MGST1: variants seen among roughly 807,000 people sequenced by gnomAD.
The protein encoded by MGST1 is glutathione S-transferase 12.
MGST1 carries 5 observed loss-of-function variants against 8.9 expected under a neutral mutation model. That is an observed-to-expected ratio of 0.56 (90% CI 0.29 to 1.19). The LOEUF (loss-of-function observed/expected upper bound fraction) is 1.19. Among genes scored for constraint, MGST1 ranks in the 50% most tolerant of loss-of-function variants. The probability of loss-of-function intolerance (pLI) is 0.08; values close to 1 mark genes in which losing one functional copy is unlikely to be tolerated. For synonymous variants in MGST1, 54 were observed against 67.8 expected, an observed-to-expected ratio of 0.80 and a Z score of 1.00; for missense variants, 182 against 187.4, an observed-to-expected ratio of 0.97 and a Z score of 0.17.
chr12:16,392,725 TC>T (rs1227333084), intron 1 of MGST1, among the ~76,000 whole-genome samples: 1 of 152,182 alleles, frequency 6.6e-6, no homozygotes, highest in Non-Finnish European at 1.5e-5. Flanking sequence ...TGTCTCTATA[TC>T]TCTGTATGTC....
At position 16,580,438 on chromosome 12, in the gene MGST1, C is replaced by G. The variant is rs1204593555; in HGVS notation, n.483-9090C>G. ...TAATAAGTGAATGTCATGAAAATGA[C>G]AATGTTCAAGATTAAGAGAAACTTC... On this transcript the variant is annotated intron_variant and non_coding_transcript_variant, in intron 4 of 4. Transcript: ENST00000538857. Among the ~76,000 whole-genome samples, 4 of 152,250 alleles carry G rather than the reference C, an allele frequency of 2.6e-5. No individual in the cohort carries two copies. The East Asian group carries it at 7.7e-4, about 29-fold the overall frequency.
chr12:16,512,811 C>T (rs944854556), intron 4 of MGST1, among the ~76,000 whole-genome samples: 1 of 152,312 alleles, frequency 6.6e-6, no homozygotes, highest in South Asian at 2.1e-4. Flanking sequence ...TACAGTATCT[C>T]TATTTTTTCA....
intron 4 of MGST1, among the ~76,000 whole-genome samples, chr12:16,456,012 A>G (rs1372456791): frequency 6.6e-6 from 1 of 151,892 alleles, no homozygotes; most frequent in Non-Finnish European, 1.5e-5. Context: ...GCTAAAATAT[A>G]TATGCAATTG....
intron 1 of MGST1, among the ~76,000 whole-genome samples, chr12:16,412,433 G>T (rs1940749980): frequency 6.6e-6 from 1 of 152,172 alleles, no homozygotes; most frequent in Non-Finnish European, 1.5e-5. Context: ...TTTGTTGCTT[G>T]AGGAGAATTA....
At chr12:16,451,610 AAAAC>A (rs1941129802) in intron 4 of MGST1, among the ~76,000 whole-genome samples, 1 of 151,904 alleles carries the variant, frequency 6.6e-6, no homozygotes, top group Admixed American at 6.6e-5. Context: ...AAACCTGTAA[AAAAC>A]AAAAAAGGTC....
chr12:16,579,109 C>T (rs1261069450), intron 4 of MGST1, among the ~76,000 whole-genome samples: 1 of 152,080 alleles, frequency 6.6e-6, no homozygotes, highest in African/African-American at 2.4e-5. Flanking sequence ...TTATAAAGGT[C>T]ATAAACTTCC....
intron 4 of MGST1, among the ~76,000 whole-genome samples, chr12:16,451,682 T>G (rs1941130440): frequency 6.6e-6 from 1 of 151,876 alleles, no homozygotes; most frequent in African/African-American, 2.4e-5. Context: ...ATCTAAACTT[T>G]GGTGGAAAAG....
chr12:16,523,902 G>A (rs1032631846), intron 4 of MGST1, among the ~76,000 whole-genome samples: 11 of 152,052 alleles, frequency 7.2e-5, no homozygotes, highest in Admixed American at 3.3e-4. Context: ...TGGAAAAACA[G>A]TTTTTAGTTT....
chr12:16,551,118 C>G, intron 4 of MGST1: 1 of 745,020 alleles, frequency 1.3e-6, no homozygotes. Context: ...CTTCCTATAT[C>G]TACGCTATTC....
rs909437489 is a variant in MGST1 at position 16,413,843 on chromosome 12, A to C, written n.779-23545A>C. ...CAGCATATAATTTCTGACACATTGA[A>C]GACTCTTAGCCATTGCCAAATCAAT... On this transcript the variant is annotated intron_variant and non_coding_transcript_variant, in intron 1 of 1. Coordinates refer to the MGST1 transcript ENST00000359720. This position sits in a 1 kb window ranked among gnomAD's most constrained non-coding sequence, Gnocchi z 4.0. Among the ~76,000 whole-genome samples, 4 of 152,196 alleles carry C rather than the reference A, an allele frequency of 2.6e-5. No homozygotes were observed. The highest frequency in any genetic ancestry group is 4.4e-5 in the Non-Finnish European group (3 of 68,030).
intron 3 of MGST1, among the ~76,000 whole-genome samples, chr12:16,358,779 CTTTTTTTTTTTTTT>C (rs35081887): frequency 7.1e-4 from 41 of 57,584 alleles, no homozygotes; most frequent in South Asian, 2.8e-3. Flanking sequence ...AAATTCATTC[CTTTTTTTTTTTTTT>C]TTTTTTTTTT....
In MGST1 at chr12:16,453,571, A is replaced by G. The variant is rs188767515; in HGVS notation, n.482+69967A>G. 3.1e-3 allele frequency among the ~76,000 whole-genome samples: 472 copies of G among 152,068 alleles called. 6 individuals are homozygous for G. Among genetic ancestry groups the G allele is most frequent in the African/African-American group, 0.01 (425 of 41,520 alleles). ...ATCAGTTTCTTAGGGCTGCTGTAAC[A>G]AAGTATTATAAAATTGTTAGCTTAA... On this transcript the variant is annotated intron_variant and non_coding_transcript_variant, in intron 4 of 4. Coordinates refer to the MGST1 transcript ENST00000538857.
chr12:16,412,693 A>C (rs1406018466), intron 1 of MGST1, among the ~76,000 whole-genome samples: 1 of 152,110 alleles, frequency 6.6e-6, no homozygotes, highest in Non-Finnish European at 1.5e-5. Flanking sequence ...GGTTTTATAA[A>C]GGGCAGTTCC....
chr12:16,384,011 A>C (rs1228680339), intron 1 of MGST1, among the ~76,000 whole-genome samples: 1 of 152,164 alleles, frequency 6.6e-6, no homozygotes, highest in Non-Finnish European at 1.5e-5. Flanking sequence ...AGAAGCCCAC[A>C]AATAGGAATT....
At chr12:16,471,022 C>G (rs549408433) in intron 4 of MGST1, among the ~76,000 whole-genome samples, 1 of 152,096 alleles carries the variant, frequency 6.6e-6, no homozygotes, top group Non-Finnish European at 1.5e-5. Context: ...CTTCATATGG[C>G]GGGAGGAGAG....
At chr12:16,388,621 G>A (rs1379533066) in intron 1 of MGST1, among the ~76,000 whole-genome samples, 2 of 152,166 alleles carry the variant, frequency 1.3e-5, no homozygotes, top group East Asian at 3.9e-4. Context: ...TATATGCTTG[G>A]TTGTCACAGC....
intron 4 of MGST1, among the ~76,000 whole-genome samples, chr12:16,581,080 A>G (rs1369361238): frequency 6.6e-6 from 1 of 152,220 alleles, no homozygotes; most frequent in East Asian, 1.9e-4. Flanking sequence ...GTTAGGTACA[A>G]GAAAACCATT....
intron 4 of MGST1, among the ~76,000 whole-genome samples, chr12:16,538,527 A>T (rs966084592): frequency 6.6e-6 from 1 of 152,154 alleles, no homozygotes; most frequent in Non-Finnish European, 1.5e-5. Context: ...TGAGACTAGG[A>T]AGAAAAAGAC....
intron 1 of MGST1, among the ~76,000 whole-genome samples, chr12:16,383,908 A>G (rs901347458): frequency 6.6e-6 from 1 of 152,188 alleles, no homozygotes; most frequent in African/African-American, 2.4e-5. Context: ...TCTTTCTTAA[A>G]CCATACAGGT....
Sources: allele counts gnomAD v4.1 joint callset (sites outside exome capture counted in the v4.1 genomes callset), GRCh38; gene constraint gnomAD v4.1.1; non-coding constraint Gnocchi (gnomAD v3.1); transcripts MANE v1.5; gene names NCBI Gene and HGNC (gene_info 2026-07-23, HGNC 2026-07-21).